The following VRK2 variants were observed in gnomAD, a reference collection of about 807,000 sequenced individuals.
VRK2 encodes the protein serine/threonine-protein kinase VRK2.
Under a neutral mutation model 57.6 loss-of-function variants are expected in VRK2, and 60 were observed. The observed-to-expected ratio is 1.04, with a 90% CI of 0.85 to 1.29. The LOEUF (loss-of-function observed/expected upper bound fraction) is 1.29, where lower values mean the gene tolerates loss of function less well. VRK2 is among the 50% of genes most tolerant of loss of function. VRK2 has a pLI of 0.00. For synonymous variants in VRK2, 231 were observed against 199.2 expected (o/e 1.16, Z -1.35); for missense variants, 705 against 588.1 (o/e 1.20, Z -2.06).
chr2:57,908,213 T>C (rs892739637), intron 1 of VRK2, among the ~76,000 whole-genome samples: 1 of 152,218 alleles, frequency 6.6e-6, no homozygotes, highest in Non-Finnish European at 1.5e-5. Flanking sequence ...TATCTTGGGT[T>C]GATTCTTCTA....
intron 1 of VRK2, among the ~76,000 whole-genome samples, chr2:58,020,464 C>T (rs559410787): frequency 2.6e-5 from 4 of 152,350 alleles, no homozygotes; most frequent in African/African-American, 9.6e-5. Context: ...CTCAGCCTCC[C>T]AAGTCACTGG....
intron 1 of VRK2, among the ~76,000 whole-genome samples, chr2:57,995,983 G>C (rs559043481): frequency 3.4e-4 from 52 of 151,812 alleles, no homozygotes; most frequent in Non-Finnish European, 6.2e-4. Context: ...GAAAATATTT[G>C]GAAAAAACAA....
Position 58,159,721 on chromosome 2 carries a change from T to C in VRK2, c.*28T>C. ...ATGATACCAAAATTCCTTTTGATAA[T>C]TTTTTAAGTTTCCAGCTCTTCACCG... On this transcript the variant is annotated 3_prime_UTR_variant, in exon 13 of 13. Transcript: ENST00000340157. 2 of 1,612,092 alleles carry C rather than the reference T, an allele frequency of 1.2e-6. No individual in the cohort carries two copies. Among genetic ancestry groups the C allele is most frequent in the Non-Finnish European group, 1.7e-6 (2 of 1,179,368 alleles).
In VRK2 at chr2:58,021,983, C is replaced by A. The variant is rs141281966; in HGVS notation, c.-438-3682C>A. The stretch of plus-strand genomic sequence containing the variant: ...ACTTGAAACCCTTAATCAGTCAGAA[C>A]GTTGGTAAATTATACCTTCATGCTA... On this transcript the variant is annotated intron_variant, in intron 1 of 15. Transcript: ENST00000417641. 2.4e-3 allele frequency among the ~76,000 whole-genome samples: 368 copies of A among 152,268 alleles called. 1 individual carries two copies. The highest frequency in any genetic ancestry group is 7.1e-3 in the African/African-American group (294 of 41,544).
At chr2:58,087,531 A>G (rs1485845006) in intron 5 of VRK2, among the ~76,000 whole-genome samples, 2 of 152,200 alleles carry the variant, frequency 1.3e-5, no homozygotes, top group African/African-American at 2.4e-5. Context: ...TTGTGTATGC[A>G]TGCATAGATA....
chr2:57,947,874 C>T (rs1362646516), intron 1 of VRK2, among the ~76,000 whole-genome samples: 3 of 152,056 alleles, frequency 2.0e-5, no homozygotes, highest in African/African-American at 7.2e-5. Context: ...TTTTCCTTTT[C>T]TCTCTCTTTC....
At chr2:58,154,632 A>G in intron 12 of VRK2, 1 of 641,780 alleles carries the variant, frequency 1.6e-6, no homozygotes, top group Non-Finnish European at 2.8e-6. Flanking sequence ...TGTATTTTTT[A>G]ATTTTCCTGG....
At position 58,159,677 on chromosome 2, in the gene VRK2, CTTTAT is replaced by C. The variant is rs757733149; in HGVS notation, c.1515_1519del (p.Leu505PhefsTer15). The C allele has an allele frequency of 8.1e-6, 13 of 1,612,572 alleles. No individual in the cohort carries two copies. The highest frequency in any genetic ancestry group is 1.1e-5 in the Non-Finnish European group (13 of 1,179,380). ...GTCCTTTTGATGTTAGTATTTCTTG[CTTTAT>C]TTTTTCTCTGAAGATGATACCAAAA... On this transcript the variant is annotated frameshift_variant, in exon 13 of 13. Transcript: ENST00000340157. LOFTEE classifies it high-confidence loss of function.
intron 1 of VRK2, among the ~76,000 whole-genome samples, chr2:57,910,888 G>T (rs79056989): frequency 0.021 from 3,149 of 152,258 alleles, 117 homozygotes; most frequent in African/African-American, 0.071. Context: ...AAAACTCAGA[G>T]ATTTGGTTTT....
rs1178303647 is a variant in VRK2, at chr2:58,159,736, G to C, written c.*43G>C. The C allele has an allele frequency of 4.3e-6, 7 of 1,612,588 alleles. No individual in the cohort carries two copies. The highest frequency in any genetic ancestry group is 5.9e-6 in the Non-Finnish European group (7 of 1,179,514). ...CTTTTGATAATTTTTTAAGTTTCCA[G>C]CTCTTCACCGAAATGTTGTATTCTT... On this transcript the variant is annotated 3_prime_UTR_variant, in exon 13 of 13. Coordinates refer to ENST00000340157, the MANE Select transcript of VRK2 (RefSeq NM_006296.7).
intron 7 of VRK2, among the ~76,000 whole-genome samples, chr2:58,098,912 C>T (rs1404293126): frequency 5.3e-5 from 8 of 151,994 alleles, no homozygotes. Context: ...CAAATTTGTG[C>T]TTCATTGATA....
rs895314306 is a variant in VRK2 at position 57,990,565 on chromosome 2, C to T, written c.-438-35100C>T. Among the ~76,000 whole-genome samples, 19 of 152,168 alleles carry T rather than the reference C, an allele frequency of 1.2e-4. 1 individual carries two copies. The highest frequency in any genetic ancestry group is 4.6e-4 in the African/African-American group (19 of 41,506). ...ATCAAAAAGATCATCAGAAAACAGC[C>T]CTAAGCCTAATATTGAAGTAAATCT... is the stretch of plus-strand genomic sequence containing the variant. On this transcript the variant is annotated intron_variant, in intron 1 of 15. Coordinates refer to the VRK2 transcript ENST00000417641.
At chr2:57,919,488 T>C (rs1670266396) in intron 1 of VRK2, among the ~76,000 whole-genome samples, 1 of 152,058 alleles carries the variant, frequency 6.6e-6, no homozygotes, top group African/African-American at 2.4e-5. Flanking sequence ...AATACAGTAA[T>C]AGTTTTAAGA....
At chr2:58,061,095 ATTTT>A (rs537737778) in intron 2 of VRK2, among the ~76,000 whole-genome samples, 3 of 151,784 alleles carry the variant, frequency 2.0e-5, no homozygotes, top group Admixed American at 6.6e-5. Flanking sequence ...AACTTGGGGG[ATTTT>A]TTTTAAGAAC....
At chr2:58,063,420 TG>T (rs899643353) in intron 2 of VRK2, among the ~76,000 whole-genome samples, 5 of 151,886 alleles carry the variant, frequency 3.3e-5, no homozygotes, top group African/African-American at 1.2e-4. Context: ...GTATTGTACT[TG>T]GGTAATGGGC....
chr2:58,073,599 T>C (rs1669646125), intron 2 of VRK2, among the ~76,000 whole-genome samples: 1 of 150,036 alleles, frequency 6.7e-6, no homozygotes, highest in Non-Finnish European at 1.5e-5. Flanking sequence ...CTAAGTCTGC[T>C]GTATTAGGCT....
intron 1 of VRK2, among the ~76,000 whole-genome samples, chr2:57,949,029 T>A (rs72947171): frequency 7.2e-6 from 1 of 138,000 alleles, no homozygotes; most frequent in East Asian, 2.1e-4. Flanking sequence ...AGAGTAAAAT[T>A]ATGAAAGTAA....
chr2:57,954,710 A>T (rs908658566), intron 1 of VRK2, among the ~76,000 whole-genome samples: 2 of 152,032 alleles, frequency 1.3e-5, no homozygotes, highest in African/African-American at 4.8e-5. Flanking sequence ...CATAGTCTGC[A>T]TACGCCCAGG....
intron 7 of VRK2, among the ~76,000 whole-genome samples, chr2:58,091,046 A>G (rs1181845547): frequency 1.3e-5 from 2 of 152,176 alleles, no homozygotes; most frequent in Non-Finnish European, 2.9e-5. Flanking sequence ...TACTATCTCC[A>G]TAGGTTAGAA....
Sources: allele counts gnomAD v4.1 joint callset (sites outside exome capture counted in the v4.1 genomes callset), GRCh38; gene constraint gnomAD v4.1.1; transcripts MANE v1.5; gene names NCBI Gene and HGNC (gene_info 2026-07-23, HGNC 2026-07-21).